Variants in FRMPD3 observed in about 807,000 individuals in gnomAD.
FRMPD3 encodes FERM and PDZ domain containing 3.
Under a neutral mutation model 97.9 loss-of-function variants are expected in FRMPD3, and 42 were observed. The observed-to-expected ratio is 0.43, with a 90% CI of 0.34 to 0.55. FRMPD3 has a LOEUF of 0.55. Ranked by LOEUF, FRMPD3 falls within the 20% of genes least tolerant of loss-of-function variation. FRMPD3 has a pLI of 0.03. For synonymous variants in FRMPD3, 577 were observed against 581.1 expected, an observed-to-expected ratio of 0.99 and a Z score of 0.10; for missense variants, 1,303 against 1,457.7, an observed-to-expected ratio of 0.89 and a Z score of 1.73.
chrX:107,599,954 A>G (rs1033956124), intron 14 of FRMPD3, among the ~76,000 whole-genome samples: 3 of 111,195 alleles, frequency 2.7e-5, no homozygotes, highest in African/African-American at 9.8e-5. Flanking sequence ...GATTCAACCA[A>G]CCGCAGATCA....
chrX:107,567,668 G>A (rs1922666800), intron 12 of FRMPD3, among the ~76,000 whole-genome samples: 1 of 111,751 alleles, frequency 8.9e-6, no homozygotes, highest in Admixed American at 9.6e-5. Context: ...TGAAGAGATT[G>A]GGGGTGGGCA....
At chrX:107,471,251 C>G (rs1921048544) in intron 1 of FRMPD3, among the ~76,000 whole-genome samples, 1 of 109,144 alleles carries the variant, frequency 9.2e-6, no homozygotes, top group Admixed American at 9.7e-5. Flanking sequence ...CAAGCCTCTT[C>G]TTTCCCTTCC....
chrX:107,490,062 C>G (rs766207423), intron 1 of FRMPD3, among the ~76,000 whole-genome samples: 13 of 112,243 alleles, frequency 1.2e-4, no homozygotes, highest in African/African-American at 4.2e-4. Flanking sequence ...ATATGGCCAG[C>G]CAGTTTTCCC....
rs182955725 is a variant in FRMPD3 at position 107,563,846 on chromosome X, C to T, written c.1116+646C>T. Among the ~76,000 whole-genome samples the T allele has an allele frequency of 8.0e-5, 9 of 112,080 alleles. No homozygotes were observed. The East Asian group carries it at 2.5e-3, about 32-fold the overall frequency. On this transcript the variant is annotated intron_variant, in intron 11 of 14. Transcript: ENST00000683843. ...GTCCTTCTACTTCTCCCCCTGCTTGCTCAGCACCTTTGCTGCAGGAACAAG... is the reference window on the plus strand; with the variant it reads ...GTCCTTCTACTTCTCCCCCTGCTTGTTCAGCACCTTTGCTGCAGGAACAAG...
chrX:107,557,663 TCGTG>T (rs1310360824), intron 8 of FRMPD3, among the ~76,000 whole-genome samples: 1 of 90,257 alleles, frequency 1.1e-5, no homozygotes, highest in Non-Finnish European at 2.0e-5. Flanking sequence ...CATCAAAGTT[TCGTG>T]TGTGTGTGTG....
At chrX:107,572,592 G>A (rs1602835399) in intron 12 of FRMPD3, among the ~76,000 whole-genome samples, 3 of 110,935 alleles carry the variant, frequency 2.7e-5, no homozygotes, top group East Asian at 5.6e-4. Flanking sequence ...ACAAAAATTA[G>A]TCAGATGTGG....
chrX:107,580,632 A>G (rs1923340513), intron 13 of FRMPD3, among the ~76,000 whole-genome samples: 1 of 111,600 alleles, frequency 9.0e-6, no homozygotes, highest in African/African-American at 3.3e-5. Context: ...ATACGTAGTT[A>G]GCACCTGGTA....
At chrX:107,485,820 T>G (rs928496735) in intron 1 of FRMPD3, among the ~76,000 whole-genome samples, 1 of 111,715 alleles carries the variant, frequency 9.0e-6, no homozygotes, top group African/African-American at 3.3e-5. Flanking sequence ...GAACTGGTCC[T>G]TTTTGCTTGG....
chrX:107,472,670 G>A (rs1319924252), intron 1 of FRMPD3, among the ~76,000 whole-genome samples: 1 of 111,842 alleles, frequency 8.9e-6, no homozygotes, highest in Non-Finnish European at 1.9e-5. Context: ...GGCCTGTTGG[G>A]TCTGAGGCGC....
intron 13 of FRMPD3, among the ~76,000 whole-genome samples, chrX:107,580,171 C>T (rs1013047611): frequency 2.7e-5 from 3 of 112,143 alleles, no homozygotes; most frequent in African/African-American, 9.7e-5. Flanking sequence ...AGTTGAATCA[C>T]CCTCCTGTTC....
intron 1 of FRMPD3, among the ~76,000 whole-genome samples, chrX:107,455,077 T>C (rs1025902988): frequency 8.9e-6 from 1 of 112,068 alleles, no homozygotes; most frequent in African/African-American, 3.2e-5. Flanking sequence ...TTTGCCTCTA[T>C]GTTTTTGTTC....
At chrX:107,522,459 C>T (rs1187855304) in intron 1 of FRMPD3, 1 of 554,837 alleles carries the variant, frequency 1.8e-6, no homozygotes, top group African/African-American at 2.3e-5. Context: ...AATGGAGACT[C>T]TGGATAGCCA....
At chrX:107,568,442 G>A (rs946302648) in intron 12 of FRMPD3, among the ~76,000 whole-genome samples, 4 of 90,039 alleles carry the variant, frequency 4.4e-5, no homozygotes, top group Admixed American at 1.4e-4. Context: ...GGGCACAGTC[G>A]CTCATGCCTG....
At chrX:107,589,440 G>A (rs1037424866) in intron 13 of FRMPD3, among the ~76,000 whole-genome samples, 2 of 111,013 alleles carry the variant, frequency 1.8e-5, no homozygotes, top group African/African-American at 3.3e-5. Flanking sequence ...TCAAGGAGGC[G>A]CCTCCCTTGG....
chrX:107,568,983 C>T (rs1922746804), intron 12 of FRMPD3, among the ~76,000 whole-genome samples: 1 of 107,773 alleles, frequency 9.3e-6, no homozygotes, highest in Non-Finnish European at 1.9e-5. Flanking sequence ...AAAAGCTTAC[C>T]TAGCTTGTAG....
intron 1 of FRMPD3, among the ~76,000 whole-genome samples, chrX:107,455,953 A>G (rs759211761): frequency 1.5e-4 from 17 of 111,979 alleles, no homozygotes; most frequent in African/African-American, 5.5e-4. Flanking sequence ...GATGAAGTTC[A>G]GACTGGAAAA....
intron 4 of FRMPD3, among the ~76,000 whole-genome samples, chrX:107,533,905 G>A (rs1276144545): frequency 8.9e-6 from 1 of 112,176 alleles, no homozygotes; most frequent in Non-Finnish European, 1.9e-5. Flanking sequence ...ACGATGATAG[G>A]TGCCAATCTT....
intron 5 of FRMPD3, among the ~76,000 whole-genome samples, chrX:107,548,917 A>G (rs889985254): frequency 8.9e-6 from 1 of 112,242 alleles, no homozygotes; most frequent in African/African-American, 3.2e-5. Context: ...ATAGGAATGC[A>G]TGGAAAGACC....
At chrX:107,511,900 G>A (rs775640348) in intron 1 of FRMPD3, among the ~76,000 whole-genome samples, 2 of 111,970 alleles carry the variant, frequency 1.8e-5, no homozygotes, top group African/African-American at 6.5e-5. Context: ...GCTTGGCCTC[G>A]GAGAGATGTG....
Sources: allele counts gnomAD v4.1 joint callset (sites outside exome capture counted in the v4.1 genomes callset), GRCh38; gene constraint gnomAD v4.1.1; transcripts MANE v1.5; gene names NCBI Gene and HGNC (gene_info 2026-07-23, HGNC 2026-07-21).